Variants in NPAS3 observed in about 807,000 individuals in gnomAD.
NPAS3 encodes neuronal PAS domain-containing protein 3.
NPAS3 carries 14 observed loss-of-function variants against 73.1 expected under a neutral mutation model. That is an observed-to-expected ratio of 0.19 (90% CI 0.13 to 0.30). NPAS3 has a LOEUF of 0.30. Ranked by LOEUF, NPAS3 falls within the 10% of genes least tolerant of loss-of-function variation. NPAS3 has a pLI of 1.00. For missense variants in NPAS3, 1,096 were observed against 1,250.0 expected, an observed-to-expected ratio of 0.88 and a Z score of 1.86; for synonymous variants, 620 against 541.5, an observed-to-expected ratio of 1.14 and a Z score of -2.01.
intron 6 of NPAS3, among the ~76,000 whole-genome samples, chr14:33,717,331 T>C (rs1192298402): frequency 6.6e-6 from 1 of 151,788 alleles, no homozygotes; most frequent in Non-Finnish European, 1.5e-5. Flanking sequence ...GGCACAATGA[T>C]TCCTTCTTTC....
intron 1 of NPAS3, among the ~76,000 whole-genome samples, chr14:32,966,270 T>C (rs2037154071): frequency 6.6e-6 from 1 of 152,134 alleles, no homozygotes; most frequent in African/African-American, 2.4e-5. Context: ...AGAACAAAGC[T>C]GCAGGCATTA....
chr14:33,216,662 G>A (rs1039389628), intron 3 of NPAS3, among the ~76,000 whole-genome samples: 1 of 152,024 alleles, frequency 6.6e-6, no homozygotes, highest in Non-Finnish European at 1.5e-5. Context: ...CATAAAATTA[G>A]CCATAGACAA....
intron 9 of NPAS3, among the ~76,000 whole-genome samples, chr14:33,786,812 A>G (rs536513201): frequency 6.6e-6 from 1 of 152,266 alleles, no homozygotes; most frequent in South Asian, 2.1e-4. Flanking sequence ...TCATATTCCA[A>G]ACCTAAAACA....
At chr14:33,411,816 C>A (rs1354465232) in intron 4 of NPAS3, among the ~76,000 whole-genome samples, 5 of 152,114 alleles carry the variant, frequency 3.3e-5, no homozygotes, top group Non-Finnish European at 7.4e-5. Context: ...TCTAACCATT[C>A]TTTCAAGCTC....
intron 2 of NPAS3, among the ~76,000 whole-genome samples, chr14:33,060,719 C>T (rs905550565): frequency 1.3e-5 from 2 of 152,194 alleles, no homozygotes; most frequent in African/African-American, 4.8e-5. Context: ...GTCTATAGCC[C>T]TCATTGCAGA....
intron 7 of NPAS3, among the ~76,000 whole-genome samples, chr14:33,752,744 T>C (rs1272305273): frequency 1.3e-5 from 2 of 152,206 alleles, no homozygotes; most frequent in Non-Finnish European, 2.9e-5. Context: ...CAAGGAAAAT[T>C]GTTTTTTAGT....
chr14:33,436,953 A>G (rs1397060569), intron 4 of NPAS3, among the ~76,000 whole-genome samples: 1 of 152,160 alleles, frequency 6.6e-6, no homozygotes, highest in Non-Finnish European at 1.5e-5. Context: ...TTTTGAGGCT[A>G]GTTAGTTCTG....
intron 4 of NPAS3, among the ~76,000 whole-genome samples, chr14:33,422,831 C>T (rs1295897428): frequency 6.6e-6 from 1 of 151,894 alleles, no homozygotes; most frequent in Admixed American, 6.6e-5. Flanking sequence ...CAAAGGAGCA[C>T]ATATTAGCTT....
At chr14:33,659,040 C>G (rs912187083) in intron 5 of NPAS3, among the ~76,000 whole-genome samples, 5 of 152,048 alleles carry the variant, frequency 3.3e-5, no homozygotes, top group Non-Finnish European at 7.4e-5. Flanking sequence ...ATTTCAATGC[C>G]GTTTTTTCAC....
chr14:33,578,135 C>T (rs990628902), intron 5 of NPAS3: 1 of 455,984 alleles, frequency 2.2e-6, no homozygotes, highest in Non-Finnish European at 4.4e-6. Flanking sequence ...GAGTTCTAAA[C>T]CTACTCTTAC....
intron 7 of NPAS3, among the ~76,000 whole-genome samples, chr14:33,766,203 C>T (rs1208299234): frequency 1.3e-5 from 2 of 152,176 alleles, no homozygotes; most frequent in African/African-American, 4.8e-5. Flanking sequence ...TGTTTTCCTT[C>T]AGGACTTTAG....
chr14:33,782,823 T>TAAAAAAAAAAAAAAAAAAAAAAAAAAA lies in NPAS3; in HGVS notation c.1153+4259_1153+4260insAAAAAAAAAAAAAAAAAAAAAAAAAAA, dbSNP rs199704146. On this transcript the variant is annotated intron_variant, in intron 9 of 11. Coordinates refer to ENST00000356141, the Ensembl canonical transcript of NPAS3. ...AACATACTTGGGGGTTGTTTTTTTT[T>TAAAAAAAAAAAAAAAAAAAAAAAAAAA]AAAAAAAAGAAAAAAACAGTAGCTT... 4.8e-4 allele frequency among the ~76,000 whole-genome samples: 72 copies of TAAAAAAAAAAAAAAAAAAAAAAAAAAA among 148,634 alleles called. 1 individual carries two copies. Among genetic ancestry groups the TAAAAAAAAAAAAAAAAAAAAAAAAAAA allele is most frequent in the Non-Finnish European group, 8.3e-4 (55 of 66,638 alleles).
intron 6 of NPAS3, among the ~76,000 whole-genome samples, chr14:33,731,817 T>C (rs1171809818): frequency 6.6e-6 from 1 of 152,248 alleles, no homozygotes; most frequent in Non-Finnish European, 1.5e-5. Flanking sequence ...TTAGGTTTAT[T>C]AAAAAGTTGA....
intron 3 of NPAS3, among the ~76,000 whole-genome samples, chr14:33,305,828 A>G (rs1225251357): frequency 3.3e-5 from 5 of 152,178 alleles, no homozygotes; most frequent in Admixed American, 6.5e-5. Flanking sequence ...TGTGTCCACC[A>G]AAAGTTAAAG....
chr14:33,326,516 T>C (rs2043714382), intron 3 of NPAS3, among the ~76,000 whole-genome samples: 1 of 152,238 alleles, frequency 6.6e-6, no homozygotes, highest in African/African-American at 2.4e-5. Context: ...TTTCGTTTAC[T>C]TTTTAAATCT....
At chr14:33,650,741 CCTCT>C (rs10658218) in intron 5 of NPAS3, among the ~76,000 whole-genome samples, 36 of 148,398 alleles carry the variant, frequency 2.4e-4, no homozygotes, top group African/African-American at 6.2e-4. Context: ...AAAATCTTTT[CCTCT>C]CTCTCTCTCT....
intron 5 of NPAS3, among the ~76,000 whole-genome samples, chr14:33,623,633 T>C (rs2058142257): frequency 6.6e-6 from 1 of 152,184 alleles, no homozygotes; most frequent in South Asian, 2.1e-4. Context: ...TTCCACTCTC[T>C]CCAAGGCCTT....
At chr14:33,637,585 A>T (rs887580616) in intron 5 of NPAS3, among the ~76,000 whole-genome samples, 2 of 152,202 alleles carry the variant, frequency 1.3e-5, no homozygotes, top group African/African-American at 4.8e-5. Flanking sequence ...GATTGTCAGG[A>T]ACCCTTGACA....
At chr14:33,442,999 T>A (rs1211019164) in intron 4 of NPAS3, among the ~76,000 whole-genome samples, 1 of 152,228 alleles carries the variant, frequency 6.6e-6, no homozygotes, top group East Asian at 1.9e-4. Context: ...CTGTATGAAA[T>A]GTCTTTATGA....
Sources: allele counts gnomAD v4.1 joint callset (sites outside exome capture counted in the v4.1 genomes callset), GRCh38; gene constraint gnomAD v4.1.1; transcripts MANE v1.5; gene names NCBI Gene and HGNC (gene_info 2026-07-23, HGNC 2026-07-21).